Variants in SH3BP4 observed in about 807,000 individuals in gnomAD.
SH3BP4 encodes the protein SH3 domain binding protein 4, also known as SH3 domain-binding protein 4.
A neutral mutation model predicts 65.5 loss-of-function variants in SH3BP4; 33 were observed. That is an observed-to-expected ratio of 0.50 (90% CI 0.38 to 0.67). The LOEUF (loss-of-function observed/expected upper bound fraction) is 0.67, where lower values mean the gene tolerates loss of function less well. SH3BP4 is among the 30% of genes least tolerant of loss of function. SH3BP4 has a pLI of 0.00. For missense variants in SH3BP4, 1,134 were observed against 1,261.4 expected (o/e 0.90, Z 1.53); for synonymous variants, 552 against 545.5 (o/e 1.01, Z -0.17).
intron 4 of SH3BP4, among the ~76,000 whole-genome samples, chr2:235,043,882 C>T (rs1026272161): frequency 6.6e-6 from 1 of 152,250 alleles, no homozygotes; most frequent in African/African-American, 2.4e-5. Context: ...TCCTGGGGGG[C>T]CCCAGACAAC....
chr2:235,032,708 G>A (rs1425543708), intron 2 of SH3BP4, among the ~76,000 whole-genome samples: 2 of 152,152 alleles, frequency 1.3e-5, no homozygotes, highest in Admixed American at 6.5e-5. Context: ...GGTAGGGGGC[G>A]AGGGTGCTGT....
Position 235,042,534 on chromosome 2 carries a change from C to T in SH3BP4, c.1765C>T (p.Leu589=), listed in dbSNP as rs886587470. The T allele has an allele frequency of 1.2e-6, 2 of 1,614,200 alleles. No homozygotes were observed. The highest frequency in any genetic ancestry group is 8.5e-7 in the Non-Finnish European group (1 of 1,180,038). ...QNPNELSDFT[L]RVQVKDDQEA... ...CCCCAACGAGCTCTCTGACTTCACG[C>T]TGCGGGTTCAGGTGAAGGACGACCA... Residue 589 remains leucine, a synonymous_variant, in exon 4 of 6, where the codon CTG becomes TTG. Transcript: ENST00000392011. The surrounding 1 kb of genome is among the most constrained non-coding windows in gnomAD (Gnocchi z 7.3).
At position 235,052,701 on chromosome 2, in the gene SH3BP4, A is replaced by C; in HGVS notation, c.2618A>C (p.Asp873Ala). ...KLAKVSKQQM[D>A]AYESPHRDRN... ...GCCAAGGTCTCCAAGCAGCAGATGGACGCCTACGAGTCTCCCCACCGGGAC... is the reference window on the plus strand; with the variant it reads ...GCCAAGGTCTCCAAGCAGCAGATGGCCGCCTACGAGTCTCCCCACCGGGAC... Residue 873 changes from aspartate (D) to alanine (A), a missense_variant, in exon 5 of 6, where the codon GAC becomes GCC. By Grantham distance (126) the Asp-to-Ala change is moderately radical (BLOSUM62 -2). Coordinates refer to ENST00000392011, the MANE Select transcript of SH3BP4 (RefSeq NM_014521.3). This position sits in a 1 kb window ranked among gnomAD's most constrained non-coding sequence, Gnocchi z 5.0. 1.2e-6 allele frequency: 2 copies of C among 1,605,694 alleles called. No homozygotes were observed. The highest frequency in any genetic ancestry group is 2.2e-5 in the South Asian group (2 of 89,156).
At position 235,052,523 on chromosome 2, in the gene SH3BP4, C is replaced by A; in HGVS notation, c.2479-39C>A. ...TGCGGGGAGCAGAGCCTGCCCCACT[C>A]CCTACACTGTCTCACGCTGTGTGCC... On this transcript the variant is annotated intron_variant, in intron 4 of 5. Coordinates refer to ENST00000392011, the MANE Select transcript of SH3BP4 (RefSeq NM_014521.3). This position sits in a 1 kb window ranked among gnomAD's most constrained non-coding sequence, Gnocchi z 5.0. The A allele has an allele frequency of 1.3e-6, 2 of 1,494,958 alleles. No homozygotes were observed. The allele number at this position is 1,494,958 out of a possible 1,614,324, so 92.6% of individuals were successfully genotyped here.
At chr2:234,971,970 C>T (rs944742376) in intron 1 of SH3BP4, among the ~76,000 whole-genome samples, 2 of 151,906 alleles carry the variant, frequency 1.3e-5, no homozygotes, top group African/African-American at 4.8e-5. Flanking sequence ...GCGTGTGCCA[C>T]CATGCCCAGC....
At chr2:235,018,224 A>G (rs984218325) in intron 2 of SH3BP4, among the ~76,000 whole-genome samples, 6 of 152,118 alleles carry the variant, frequency 3.9e-5, no homozygotes, top group East Asian at 3.8e-4. Flanking sequence ...AGTTCATTCT[A>G]CAGAGTCTGG....
At chr2:234,987,753 A>G (rs1693613268) in intron 1 of SH3BP4, among the ~76,000 whole-genome samples, 1 of 152,170 alleles carries the variant, frequency 6.6e-6, no homozygotes, top group Non-Finnish European at 1.5e-5. Context: ...GATGAACTAG[A>G]TCTTGTGAGG....
intron 1 of SH3BP4, among the ~76,000 whole-genome samples, chr2:234,980,554 A>G (rs143655608): frequency 2.0e-5 from 3 of 152,314 alleles, no homozygotes; most frequent in East Asian, 1.9e-4. Flanking sequence ...AGCCTTTGCT[A>G]TCAAAAACCA....
intron 1 of SH3BP4, among the ~76,000 whole-genome samples, chr2:234,986,026 G>C (rs1449829296): frequency 6.6e-6 from 1 of 150,892 alleles, no homozygotes; most frequent in East Asian, 1.9e-4. Flanking sequence ...TAGGGTCCAC[G>C]TGCAGGTGTA....
At chr2:234,980,164 T>TC (rs1234986253) in intron 1 of SH3BP4, among the ~76,000 whole-genome samples, 1 of 151,946 alleles carries the variant, frequency 6.6e-6, no homozygotes, top group Non-Finnish European at 1.5e-5. Flanking sequence ...CTGTAAGTAG[T>TC]CCCCCCCTTA....
rs922783553 is a variant in SH3BP4, at chr2:235,033,534, G to A, written c.-132-1337G>A. Reference sequence around the variant, plus strand: ...TCAGGTGCAGAATGCAGCCTTCTGAGGCCTTGAGATGGAAAGGACGCCTCC... The same window carrying A: ...TCAGGTGCAGAATGCAGCCTTCTGAAGCCTTGAGATGGAAAGGACGCCTCC... On this transcript the variant is annotated intron_variant, in intron 2 of 5. Coordinates refer to ENST00000392011, the MANE Select transcript of SH3BP4 (RefSeq NM_014521.3). This position sits in a 1 kb window ranked among gnomAD's most constrained non-coding sequence, Gnocchi z 5.7. Among the ~76,000 whole-genome samples the A allele has an allele frequency of 4.6e-5, 7 of 152,238 alleles. No homozygotes were observed. Among genetic ancestry groups the A allele is most frequent in the African/African-American group, 1.2e-4 (5 of 41,458 alleles).
intron 1 of SH3BP4, among the ~76,000 whole-genome samples, chr2:234,982,085 G>A (rs1392521339): frequency 2.0e-5 from 3 of 152,112 alleles, no homozygotes; most frequent in Non-Finnish European, 4.4e-5. Flanking sequence ...TTGAATATCC[G>A]GGGTAATGTA....
chr2:235,027,843 A>G (rs954138904), intron 2 of SH3BP4, among the ~76,000 whole-genome samples: 3 of 152,208 alleles, frequency 2.0e-5, no homozygotes, highest in Non-Finnish European at 2.9e-5. Flanking sequence ...CGCCCCAGAC[A>G]TGCTCTCGTT....
chr2:234,957,581 G>A (rs887699821), intron 1 of SH3BP4, among the ~76,000 whole-genome samples: 1 of 151,028 alleles, frequency 6.6e-6, no homozygotes, highest in Non-Finnish European at 1.5e-5. Context: ...AGAGTAGAAG[G>A]CTTCAAAACT....
intron 3 of SH3BP4, among the ~76,000 whole-genome samples, chr2:235,038,306 TA>T (rs1695478527): frequency 7.8e-5 from 1 of 12,810 alleles, no homozygotes; most frequent in Admixed American, 1.6e-3. Flanking sequence ...ATATTATATA[TA>T]TATATTATAT....
chr2:234,968,094 G>A (rs1224707815), intron 1 of SH3BP4, among the ~76,000 whole-genome samples: 2 of 152,232 alleles, frequency 1.3e-5, no homozygotes, highest in Non-Finnish European at 2.9e-5. Context: ...GAAGGGAGCA[G>A]CTGGGCTGTA....
intron 3 of SH3BP4, among the ~76,000 whole-genome samples, chr2:235,038,376 C>CAT (rs1177080438): frequency 0.019 from 239 of 12,264 alleles, 7 homozygotes; most frequent in Non-Finnish European, 0.025. Flanking sequence ...AATATATATA[C>CAT]ATATATATAT....
chr2:235,047,829 G>A (rs1284303678), intron 4 of SH3BP4, among the ~76,000 whole-genome samples: 2 of 152,196 alleles, frequency 1.3e-5, no homozygotes, highest in African/African-American at 2.4e-5. Flanking sequence ...TGGTCAAGTT[G>A]CGGGAGGTAG....
intron 4 of SH3BP4, among the ~76,000 whole-genome samples, chr2:235,049,837 G>A (rs73995776): frequency 0.013 from 1,941 of 152,278 alleles, 35 homozygotes; most frequent in African/African-American, 0.045. Flanking sequence ...TTGCCTCCAC[G>A]CCTGTCACTT....
Sources: gnomAD v4.1 joint callset for allele counts (sites outside exome capture counted in the v4.1 genomes callset) on GRCh38, gnomAD v4.1.1 for gene constraint, Gnocchi (gnomAD v3.1) non-coding constraint, MANE v1.5 for transcripts, NCBI Gene and HGNC (gene_info 2026-07-23, HGNC 2026-07-21) for gene names.